ZNF236: variants seen among roughly 807,000 people sequenced by gnomAD.
ZNF236 encodes regulated by glucose.
Under a neutral mutation model 191.2 loss-of-function variants are expected in ZNF236, and 50 were observed. The observed-to-expected ratio is 0.26, with a 90% CI of 0.21 to 0.33. The LOEUF is 0.33. Among genes scored for constraint, ZNF236 ranks in the 10% least tolerant of loss-of-function variants. The probability of loss-of-function intolerance (pLI) is 1.00; values close to 1 mark genes in which losing one functional copy is unlikely to be tolerated. For synonymous variants in ZNF236, 907 were observed against 928.8 expected (o/e 0.98, Z 0.43); for missense variants, 1,754 against 2,374.5 (o/e 0.74, Z 5.43).
intron 11 of ZNF236, 64 bp from the exon 12 acceptor site, chr18:76,904,316 G>T: frequency 6.8e-7 from 1 of 1,468,042 alleles, no homozygotes; most frequent in Non-Finnish European, 9.1e-7. Flanking sequence ...CATGTGCCTT[G>T]TGACATTTAA....
chr18:76,930,054 T>C (rs1032547685), intron 25 of ZNF236, among the ~76,000 whole-genome samples: 1 of 152,238 alleles, frequency 6.6e-6, no homozygotes, highest in African/African-American at 2.4e-5. Flanking sequence ...GAAAGTCCTT[T>C]TACCTGATGT....
intron 1 of ZNF236, among the ~76,000 whole-genome samples, chr18:76,847,011 T>C (rs769153574): frequency 6.6e-6 from 1 of 152,158 alleles, no homozygotes; most frequent in Non-Finnish European, 1.5e-5. Context: ...CAGGCTGGTC[T>C]CAAACTCCTG....
In ZNF236 at chr18:76,881,183, G is replaced by T. The variant is rs1976881992; in HGVS notation, c.1189-101G>T. On this transcript the variant is annotated intron_variant, in intron 8 of 30. Transcript: ENST00000320610. ...TTGGAATTGTAGATTCTTATTTCTT[G>T]GAGTGGAATTAGAATTCTATAGGTA... 8 of 993,950 alleles carry T rather than the reference G, an allele frequency of 8.0e-6. No individual in the cohort carries two copies. The South Asian group carries it at 1.0e-4, about 13-fold the overall frequency. 61.6% of individuals were successfully genotyped at this position (993,950 alleles called of 1,614,324 possible).
chr18:76,923,397 T>C (rs561532542), intron 21 of ZNF236, among the ~76,000 whole-genome samples: 1 of 152,320 alleles, frequency 6.6e-6, no homozygotes, highest in South Asian at 2.1e-4. Flanking sequence ...AAGTTGAATT[T>C]TTCTTAAAAA....
chr18:76,824,148 G>T (rs778653195), intron 1 of ZNF236: 24 of 594,522 alleles, frequency 4.0e-5, no homozygotes, highest in Non-Finnish European at 6.9e-5. Flanking sequence ...AGGTGCCCCA[G>T]AGAAAGGTCG....
chr18:76,883,825 C>G (rs989980391), intron 9 of ZNF236, among the ~76,000 whole-genome samples: 12 of 152,258 alleles, frequency 7.9e-5, no homozygotes, highest in African/African-American at 2.9e-4. Flanking sequence ...AATACCTCTC[C>G]AAGGATGGAG....
intron 10 of ZNF236, among the ~76,000 whole-genome samples, chr18:76,897,604 G>A (rs1389570132): frequency 2.0e-5 from 3 of 151,694 alleles, no homozygotes; most frequent in East Asian, 3.9e-4. Flanking sequence ...AAACAGTACT[G>A]CACACAGGCA....
intron 25 of ZNF236, among the ~76,000 whole-genome samples, chr18:76,932,944 T>A (rs985441573): frequency 1.3e-5 from 2 of 152,190 alleles, no homozygotes; most frequent in Non-Finnish European, 2.9e-5. Context: ...ATCTGGCTAG[T>A]TCGGTAGTAA....
At chr18:76,869,964 A>G (rs1334909540) in intron 4 of ZNF236, among the ~76,000 whole-genome samples, 1 of 152,258 alleles carries the variant, frequency 6.6e-6, no homozygotes, top group East Asian at 1.9e-4. Flanking sequence ...TCCAAAAAAA[A>G]TAAAATAAAA....
chr18:76,885,018 T>C (rs1977007488), intron 9 of ZNF236: 2 of 152,176 alleles, frequency 1.3e-5, no homozygotes, highest in Admixed American at 6.5e-5. Context: ...AAATTGCTTT[T>C]TTCCCCCCTA....
chr18:76,927,554 GAGTTTC>G lies in ZNF236; in HGVS notation c.4414+44_4414+49del. The G allele has an allele frequency of 6.3e-7, 1 of 1,586,044 alleles. No homozygotes were observed. Reference sequence around the variant, plus strand: ...TCACTTTTGCTTATTTTGACAGCTGGAGTTTCAGTTTCTTGCTTGTGATTACATATT... The same window carrying G: ...TCACTTTTGCTTATTTTGACAGCTGGAGTTTCTTGCTTGTGATTACATATT... On this transcript the variant is annotated intron_variant, in intron 24 of 30. Transcript: ENST00000320610. This position sits in a 1 kb window ranked among gnomAD's most constrained non-coding sequence, Gnocchi z 5.4.
At position 76,928,001 on chromosome 18, in the gene ZNF236, C is replaced by G; in HGVS notation, c.4489C>G (p.Leu1497Val). ...SPSGGPHEIT[L>V]TINNSSLSQV... ...CTCCGGCGGTCCCCACGAGATCACC[C>G]TGACCATTAACAACTCCAGCCTGAG... Residue 1497 changes from leucine (L) to valine (V), a missense_variant, in exon 25 of 31, where the codon CTG (leucine) becomes GTG (valine). Coordinates refer to ENST00000320610, the MANE Select transcript of ZNF236 (RefSeq NM_001306089.2). The G allele has an allele frequency of 6.2e-7, 1 of 1,614,030 alleles. No individual in the cohort carries two copies. Among genetic ancestry groups the G allele is most frequent in the Non-Finnish European group, 8.5e-7 (1 of 1,179,954 alleles).
At chr18:76,872,839 G>A (rs992589304) in intron 5 of ZNF236, among the ~76,000 whole-genome samples, 1 of 152,094 alleles carries the variant, frequency 6.6e-6, no homozygotes, top group African/African-American at 2.4e-5. Context: ...TTCTTTTATA[G>A]TGATAAAGTA....
At chr18:76,837,775 C>T (rs1010683507) in intron 1 of ZNF236, among the ~76,000 whole-genome samples, 2 of 152,138 alleles carry the variant, frequency 1.3e-5, no homozygotes, top group Non-Finnish European at 2.9e-5. Flanking sequence ...ATATCCACTT[C>T]GGCTAGAACT....
intron 25 of ZNF236, among the ~76,000 whole-genome samples, chr18:76,929,186 G>T (rs1220635828): frequency 1.3e-5 from 2 of 151,730 alleles, no homozygotes; most frequent in Non-Finnish European, 2.9e-5. Flanking sequence ...TTTCAGGAAG[G>T]TGTCTTTATT....
At chr18:76,901,506 C>T (rs1371582385) in intron 11 of ZNF236, among the ~76,000 whole-genome samples, 1 of 152,146 alleles carries the variant, frequency 6.6e-6, no homozygotes, top group Non-Finnish European at 1.5e-5. Context: ...CGCCTGTGAC[C>T]CTAGCACTTT....
At chr18:76,878,193 A>G (rs1976768753) in intron 7 of ZNF236, 41 bp downstream of exon 7, 6 of 1,533,810 alleles carry the variant, frequency 3.9e-6, no homozygotes, top group Non-Finnish European at 5.3e-6. Flanking sequence ...TTAAACTAAA[A>G]TCTGTCATTT....
chr18:76,830,425 C>T lies in ZNF236; in HGVS notation c.55+7763C>T, dbSNP rs376925351. ...TACAAACTTTTATGTATTTATGGGC[C>T]GTAGTGGATACAGCCAGCCAGTCGC... On this transcript the variant is annotated intron_variant, in intron 1 of 30. Coordinates refer to ENST00000320610, the MANE Select transcript of ZNF236 (RefSeq NM_001306089.2). Among the ~76,000 whole-genome samples, 9 of 152,076 alleles carry T rather than the reference C, an allele frequency of 5.9e-5. No individual in the cohort carries two copies. The East Asian group carries it at 1.5e-3, about 26-fold the overall frequency.
At chr18:76,906,123 A>G (rs1568223159) in intron 13 of ZNF236, among the ~76,000 whole-genome samples, 1 of 152,216 alleles carries the variant, frequency 6.6e-6, no homozygotes, top group African/African-American at 2.4e-5. Context: ...TAACCCAGAT[A>G]TGTCTGCCTG....
Sources: gnomAD v4.1 joint callset for allele counts (sites outside exome capture counted in the v4.1 genomes callset) on GRCh38, gnomAD v4.1.1 for gene constraint, Gnocchi (gnomAD v3.1) non-coding constraint, MANE v1.5 for transcripts, NCBI Gene and HGNC (gene_info 2026-07-23, HGNC 2026-07-21) for gene names.